Variants in ASTN2 observed in about 807,000 individuals in gnomAD.
The protein encoded by ASTN2 is astrotactin 2, also known as astrotactin-2.
A neutral mutation model predicts 139.8 loss-of-function variants in ASTN2; 54 were observed. That is an observed-to-expected ratio of 0.39 (90% CI 0.31 to 0.48). The LOEUF is 0.48. ASTN2 is among the 20% of genes least tolerant of loss of function. The probability of loss-of-function intolerance (pLI) is 0.95; values close to 1 mark genes in which losing one functional copy is unlikely to be tolerated. For missense variants in ASTN2, 1,565 were observed against 1,725.1 expected, an observed-to-expected ratio of 0.91 and a Z score of 1.64; for synonymous variants, 756 against 719.5, an observed-to-expected ratio of 1.05 and a Z score of -0.81.
chr9:116,694,459 CTTTTTTTTTT>C (rs56666915), intron 16 of ASTN2, among the ~76,000 whole-genome samples: 1 of 88,038 alleles, frequency 1.1e-5, no homozygotes, highest in Non-Finnish European at 2.0e-5. Flanking sequence ...TGTAATTTCT[CTTTTTTTTTT>C]TTTTTTTTTT....
intron 2 of ASTN2, among the ~76,000 whole-genome samples, chr9:117,271,545 AC>A (rs1834064341): frequency 6.6e-6 from 1 of 152,158 alleles, no homozygotes; most frequent in African/African-American, 2.4e-5. Flanking sequence ...CTCAAAGTCC[AC>A]AGTCCAAAGT....
chr9:117,395,762 T>C (rs545258819), intron 1 of ASTN2, among the ~76,000 whole-genome samples: 2 of 152,190 alleles, frequency 1.3e-5, no homozygotes, highest in African/African-American at 4.8e-5. Context: ...AGAACCCCCA[T>C]GAAACCATAC....
intron 19 of ASTN2, among the ~76,000 whole-genome samples, chr9:116,555,343 G>A (rs890501998): frequency 1.2e-4 from 19 of 152,160 alleles, no homozygotes; most frequent in Non-Finnish European, 1.9e-4. Flanking sequence ...CCACTTTCGC[G>A]CTGCTGAGAT....
chr9:117,066,612 T>G (rs1011238623), intron 5 of ASTN2, among the ~76,000 whole-genome samples: 1 of 151,158 alleles, frequency 6.6e-6, no homozygotes, highest in African/African-American at 2.4e-5. Context: ...CCACAATGGT[T>G]GAACTAGTTT....
chr9:117,025,850 C>G (rs1251324191), intron 6 of ASTN2, among the ~76,000 whole-genome samples: 6 of 148,628 alleles, frequency 4.0e-5, no homozygotes, highest in Admixed American at 2.7e-4. Context: ...GGAGTGCAGT[C>G]GCGTGATCTT....
At chr9:117,158,480 C>T (rs1830477487) in intron 3 of ASTN2, among the ~76,000 whole-genome samples, 1 of 152,064 alleles carries the variant, frequency 6.6e-6, no homozygotes, top group Non-Finnish European at 1.5e-5. Context: ...TTTGCAATTA[C>T]AGACGGATGA....
chr9:117,180,553 G>GCACACT, intron 3 of ASTN2: 2 of 694,014 alleles, frequency 2.9e-6, no homozygotes, highest in Non-Finnish European at 4.8e-6. Flanking sequence ...CCATATTTCA[G>GCACACT]CACACTCACA....
chr9:116,865,026 C>T (rs543987754), intron 10 of ASTN2, among the ~76,000 whole-genome samples: 1 of 152,270 alleles, frequency 6.6e-6, no homozygotes, highest in Admixed American at 6.5e-5. Flanking sequence ...GTTACCTGTC[C>T]AGCCACATTT....
intron 19 of ASTN2, among the ~76,000 whole-genome samples, chr9:116,502,007 AGGGTGGG>A (rs1849873782): frequency 6.6e-6 from 1 of 152,040 alleles, no homozygotes; most frequent in Non-Finnish European, 1.5e-5. Flanking sequence ...AGCCTCCAGA[AGGGTGGG>A]GAGAAGGCCC....
At chr9:116,606,177 C>A (rs1855190024) in intron 19 of ASTN2, among the ~76,000 whole-genome samples, 2 of 152,122 alleles carry the variant, frequency 1.3e-5, no homozygotes, top group South Asian at 4.2e-4. Flanking sequence ...AGCCACCCCC[C>A]ACAACAAGCC....
At chr9:116,730,703 G>A (rs898609806) in intron 14 of ASTN2, among the ~76,000 whole-genome samples, 2 of 152,194 alleles carry the variant, frequency 1.3e-5, no homozygotes, top group African/African-American at 2.4e-5. Context: ...TGGCAGCCAA[G>A]GCCTATCTCC....
At chr9:116,976,007 A>T (rs1375143442) in intron 9 of ASTN2, 107 bp downstream of exon 9, 15 of 1,032,288 alleles carry the variant, frequency 1.5e-5, no homozygotes, top group Non-Finnish European at 1.9e-5. Flanking sequence ...TACTCAGTGC[A>T]GCTCAGAAGT....
chr9:117,203,721 A>G (rs185224403), intron 3 of ASTN2, among the ~76,000 whole-genome samples: 2 of 152,262 alleles, frequency 1.3e-5, no homozygotes, highest in East Asian at 3.9e-4. Flanking sequence ...GCAAAGATGG[A>G]TGCCTGTTCC....
At chr9:116,909,463 A>T (rs891664475) in intron 10 of ASTN2, among the ~76,000 whole-genome samples, 6 of 152,202 alleles carry the variant, frequency 3.9e-5, no homozygotes, top group African/African-American at 1.2e-4. Context: ...TTCAATTTCC[A>T]GTGTAGGGAA....
chr9:117,160,267 G>C (rs2132899486), intron 3 of ASTN2, among the ~76,000 whole-genome samples: 1 of 152,090 alleles, frequency 6.6e-6, no homozygotes, highest in South Asian at 2.1e-4. Context: ...CAGGATCTAA[G>C]TTCCTAGGGG....
chr9:116,956,719 C>T (rs1395460369), intron 10 of ASTN2, among the ~76,000 whole-genome samples: 1 of 151,904 alleles, frequency 6.6e-6, no homozygotes, highest in Admixed American at 6.6e-5. Flanking sequence ...TAATAAATAA[C>T]TTCGGCAAGG....
At chr9:117,353,262 C>T (rs992715687) in intron 1 of ASTN2, among the ~76,000 whole-genome samples, 6 of 152,054 alleles carry the variant, frequency 3.9e-5, no homozygotes, top group African/African-American at 1.4e-4. Context: ...CTCCAAAATC[C>T]AGAGTCTTTC....
intron 5 of ASTN2, among the ~76,000 whole-genome samples, chr9:117,056,082 T>A (rs1366967675): frequency 6.6e-6 from 1 of 152,174 alleles, no homozygotes; most frequent in African/African-American, 2.4e-5. Context: ...GTAAGTAAGC[T>A]GGGAACAGAT....
chr9:117,306,438 C>T (rs1038501907), intron 1 of ASTN2, among the ~76,000 whole-genome samples: 3 of 152,170 alleles, frequency 2.0e-5, no homozygotes, highest in Non-Finnish European at 4.4e-5. Context: ...TGTACTCTAC[C>T]TGCCAGATTC....
Sources: gnomAD v4.1 joint callset for allele counts (sites outside exome capture counted in the v4.1 genomes callset) on GRCh38, gnomAD v4.1.1 for gene constraint, MANE v1.5 for transcripts, NCBI Gene and HGNC (gene_info 2026-07-23, HGNC 2026-07-21) for gene names.